PLB1: variants seen among roughly 807,000 people sequenced by gnomAD.
PLB1 encodes phospholipase B1.
A neutral mutation model predicts 227.4 loss-of-function variants in PLB1; 242 were observed. That is an observed-to-expected ratio of 1.06 (90% CI 0.96 to 1.18). PLB1 has a LOEUF of 1.18. Among genes scored for constraint, PLB1 ranks in the 50% most tolerant of loss-of-function variants. The pLI is 0.00. For synonymous variants in PLB1, 757 were observed against 682.2 expected, an observed-to-expected ratio of 1.11 and a Z score of -1.71; for missense variants, 1,858 against 1,816.3, an observed-to-expected ratio of 1.02 and a Z score of -0.42.
rs1014378426 is a variant in PLB1 at position 28,534,863 on chromosome 2, TAAAA to T, written c.555+2676_555+2679del. 3.6e-4 allele frequency among the ~76,000 whole-genome samples: 31 copies of T among 86,218 alleles called. 2 individuals are homozygous for T. In the South Asian group the frequency reaches 0.013, roughly 36 times the overall value. The allele number at this position is 86,218 out of a possible 152,430, so 56.6% of individuals were successfully genotyped here. On this transcript the variant is annotated intron_variant, in intron 9 of 57. Coordinates refer to ENST00000327757, the MANE Select transcript of PLB1 (RefSeq NM_153021.5). ...AGAGAGACTCTGTCTCAAAAGAAAA[TAAAA>T]AAAAAAGAAAAGAAAAAAACAGTCT... is the stretch of plus-strand genomic sequence containing the variant.
intron 51 of PLB1, among the ~76,000 whole-genome samples, chr2:28,627,623 C>G (rs1208680673): frequency 6.6e-6 from 1 of 152,194 alleles, no homozygotes; most frequent in East Asian, 1.9e-4. Flanking sequence ...CCCCTTCTTC[C>G]CAACTCCCAG....
chr2:28,621,062 C>A, intron 49 of PLB1, 84 bp downstream of exon 49: 1 of 1,184,456 alleles, frequency 8.4e-7, no homozygotes, highest in South Asian at 1.4e-5. Flanking sequence ...AGGGTGGTGT[C>A]CAGAAGCCTG....
At chr2:28,509,627 T>G (rs1450258018) in intron 1 of PLB1, among the ~76,000 whole-genome samples, 5 of 151,956 alleles carry the variant, frequency 3.3e-5, no homozygotes, top group Non-Finnish European at 7.4e-5. Flanking sequence ...TACACAAGTG[T>G]TTTTTTTCTT....
intron 14 of PLB1, chr2:28,548,452 C>T: frequency 2.3e-6 from 1 of 428,016 alleles, no homozygotes; most frequent in South Asian, 1.6e-5. Flanking sequence ...AGCTGTGTGA[C>T]CCATTGCTAG....
At chr2:28,627,361 T>C (rs1429146778) in intron 51 of PLB1, among the ~76,000 whole-genome samples, 28 of 152,166 alleles carry the variant, frequency 1.8e-4, no homozygotes, top group Admixed American at 1.8e-3. Flanking sequence ...ACCCCAGAGC[T>C]GCGTGGACAC....
intron 31 of PLB1, among the ~76,000 whole-genome samples, chr2:28,592,418 TTTC>T (rs1051203852): frequency 2.0e-5 from 3 of 151,838 alleles, no homozygotes; most frequent in Non-Finnish European, 4.4e-5. Flanking sequence ...TTTCCCCACT[TTTC>T]TTCTTCTCCC....
intron 21 of PLB1, among the ~76,000 whole-genome samples, chr2:28,575,292 T>C (rs1228733704): frequency 6.6e-6 from 1 of 152,246 alleles, no homozygotes; most frequent in Non-Finnish European, 1.5e-5. Context: ...TTAATGTTTG[T>C]TGGCTGGTTG....
intron 42 of PLB1, 99 bp from the exon 43 acceptor site, chr2:28,606,397 G>A (rs1446948211): frequency 4.1e-6 from 5 of 1,225,646 alleles, no homozygotes; most frequent in South Asian, 2.6e-5. Context: ...CCCTGAAATC[G>A]AGTTCTGAGC....
intron 24 of PLB1, 62 bp downstream of exon 24, chr2:28,582,195 T>G: frequency 1.4e-5 from 22 of 1,544,198 alleles, no homozygotes; most frequent in Non-Finnish European, 1.8e-5. Flanking sequence ...GAGGAAGCTC[T>G]GGCATCCTGC....
chr2:28,601,862 C>T (rs1683958399), intron 37 of PLB1, 37 bp from the exon 38 acceptor site: 2 of 1,536,132 alleles, frequency 1.3e-6, no homozygotes, highest in Non-Finnish European at 1.8e-6. Context: ...CCCACCCTAA[C>T]CAGTTCCTCC....
At chr2:28,516,734 G>C in intron 1 of PLB1, 74 bp from the exon 2 acceptor site, 1 of 1,328,976 alleles carries the variant, frequency 7.5e-7, no homozygotes, top group Non-Finnish European at 1.1e-6. Context: ...CTAGGAGGAA[G>C]GGCATGAAAG....
At chr2:28,642,745 G>GA (rs1340788072) in intron 57 of PLB1, 113 bp from the exon 58 acceptor site, 6 of 946,404 alleles carry the variant, frequency 6.3e-6, no homozygotes, top group Middle Eastern at 2.2e-4. Flanking sequence ...GAAGCTCTGT[G>GA]AAAACGTGCA....
rs748881726 is a variant in PLB1 at position 28,532,198 on chromosome 2, A to G, written c.555+4A>G. On this transcript the variant is annotated splice_donor_region_variant and intron_variant, in intron 9 of 57. Coordinates refer to ENST00000327757, the MANE Select transcript of PLB1 (RefSeq NM_153021.5). ...CCTGTGCCCCTCTGCTCAACAGGTA[A>G]ATGGCAGCCTTGGGGACCAAGGGAT... is the stretch of plus-strand genomic sequence containing the variant. 2 of 1,607,778 alleles carry G rather than the reference A, an allele frequency of 1.2e-6. No individual in the cohort carries two copies. The highest frequency in any genetic ancestry group is 1.7e-6 in the Non-Finnish European group (2 of 1,175,462).
At chr2:28,615,249 T>G (rs898793455) in intron 44 of PLB1, among the ~76,000 whole-genome samples, 2 of 150,000 alleles carry the variant, frequency 1.3e-5, no homozygotes, top group African/African-American at 2.5e-5. Context: ...AGGTGGAGAG[T>G]GGGGGAAATG....
intron 18 of PLB1, among the ~76,000 whole-genome samples, chr2:28,564,351 A>G (rs1215261726): frequency 1.3e-5 from 2 of 152,194 alleles, no homozygotes; most frequent in African/African-American, 4.8e-5. Flanking sequence ...CCCTAAGTCC[A>G]GGGCCCTATC....
At chr2:28,627,971 C>T (rs1323147811) in intron 51 of PLB1, among the ~76,000 whole-genome samples, 2 of 152,160 alleles carry the variant, frequency 1.3e-5, no homozygotes, top group Non-Finnish European at 2.9e-5. Context: ...TAAAGCAAAG[C>T]CCTGAGATTC....
chr2:28,589,652 C>T, intron 27 of PLB1, 23 bp from the exon 28 acceptor site: 2 of 1,613,072 alleles, frequency 1.2e-6, no homozygotes, highest in South Asian at 2.2e-5. Flanking sequence ...ATAACTGCCT[C>T]TCTTTTTCTG....
At chr2:28,636,047 ATGTGTATG>A (rs1241886478) in intron 56 of PLB1, among the ~76,000 whole-genome samples, 2 of 144,696 alleles carry the variant, frequency 1.4e-5, no homozygotes, top group Admixed American at 6.9e-5. Flanking sequence ...GTGTGTATGT[ATGTGTATG>A]TGTGTATGTA....
intron 8 of PLB1, among the ~76,000 whole-genome samples, chr2:28,530,878 C>A (rs1364634433): frequency 6.6e-6 from 1 of 152,212 alleles, no homozygotes; most frequent in East Asian, 1.9e-4. Context: ...CAGGAGAATT[C>A]CAGAATTTCT....
Sources: allele counts gnomAD v4.1 joint callset (sites outside exome capture counted in the v4.1 genomes callset), GRCh38; gene constraint gnomAD v4.1.1; transcripts MANE v1.5; gene names NCBI Gene and HGNC (gene_info 2026-07-23, HGNC 2026-07-21).